The following MEIKIN variants were observed in gnomAD, a reference collection of about 807,000 sequenced individuals.
MEIKIN encodes the protein meiosis-specific kinetochore protein.
chr5:131,906,471 G>A (rs1751243910), intron 8 of MEIKIN, among the ~76,000 whole-genome samples: 1 of 152,060 alleles, frequency 6.6e-6, no homozygotes, highest in Admixed American at 6.5e-5. Context: ...TCCTCGAACA[G>A]CTAAAAACAG....
intron 11 of MEIKIN, among the ~76,000 whole-genome samples, chr5:131,844,186 T>A (rs534673628): frequency 6.6e-6 from 1 of 152,054 alleles, no homozygotes; most frequent in Non-Finnish European, 1.5e-5. Flanking sequence ...TTCAATCACC[T>A]CCCACTAGAT....
At chr5:131,922,019 A>C (rs1256138303) in intron 5 of MEIKIN, 78 bp from the exon 6 acceptor site, 7 of 396,800 alleles carry the variant, frequency 1.8e-5, no homozygotes, top group Non-Finnish European at 3.1e-5. Context: ...ACCCCACCTT[A>C]GGCCCCCAGC....
At chr5:131,906,708 C>T (rs1367152262) in intron 8 of MEIKIN, among the ~76,000 whole-genome samples, 1 of 152,138 alleles carries the variant, frequency 6.6e-6, no homozygotes, top group Non-Finnish European at 1.5e-5. Context: ...AGAATATGTC[C>T]TCAGCAGTAA....
At chr5:131,853,798 C>G (rs1203675318) in intron 10 of MEIKIN, among the ~76,000 whole-genome samples, 1 of 152,098 alleles carries the variant, frequency 6.6e-6, no homozygotes, top group African/African-American at 2.4e-5. Flanking sequence ...TAATGAGATA[C>G]CACCTCACAT....
chr5:131,943,403 G>A (rs1751906900), intron 3 of MEIKIN, among the ~76,000 whole-genome samples: 1 of 152,102 alleles, frequency 6.6e-6, no homozygotes. Flanking sequence ...TTATCTTAGG[G>A]TAACAATGTG....
chr5:131,831,602 C>A (rs1177138245), intron 11 of MEIKIN, among the ~76,000 whole-genome samples: 1 of 152,112 alleles, frequency 6.6e-6, no homozygotes, highest in Non-Finnish European at 1.5e-5. Context: ...AATCCTCCTA[C>A]ACTTTTTATT....
chr5:131,915,260 G>A (rs1205357517), intron 7 of MEIKIN, among the ~76,000 whole-genome samples: 1 of 152,114 alleles, frequency 6.6e-6, no homozygotes, highest in African/African-American at 2.4e-5. Flanking sequence ...CCAAGGTGAG[G>A]TAAAATCAGC....
At chr5:131,920,707 T>C (rs973819538) in intron 6 of MEIKIN, among the ~76,000 whole-genome samples, 12 of 152,026 alleles carry the variant, frequency 7.9e-5, no homozygotes, top group Non-Finnish European at 1.8e-4. Context: ...ATTTTTTTTT[T>C]TTTTTGAGAA....
intron 8 of MEIKIN, among the ~76,000 whole-genome samples, chr5:131,909,654 C>A (rs144452429): frequency 6.6e-6 from 1 of 152,188 alleles, no homozygotes; most frequent in African/African-American, 2.4e-5. Context: ...GAAATATTTG[C>A]AAACTACTCC....
intron 7 of MEIKIN, among the ~76,000 whole-genome samples, chr5:131,913,643 G>C (rs1177738599): frequency 6.6e-6 from 1 of 152,182 alleles, no homozygotes. Flanking sequence ...TGAGTAATAA[G>C]CTAATGCTGG....
intron 12 of MEIKIN, among the ~76,000 whole-genome samples, chr5:131,816,185 T>C (rs1310925179): frequency 6.6e-6 from 1 of 152,172 alleles, no homozygotes. Context: ...TATCTGGAGA[T>C]TAAATTATGG....
At chr5:131,929,235 A>G (rs544253201) in intron 5 of MEIKIN, among the ~76,000 whole-genome samples, 1 of 152,334 alleles carries the variant, frequency 6.6e-6, no homozygotes, top group Admixed American at 6.5e-5. Context: ...CTGTCTTTGT[A>G]TATGACTTTT....
chr5:131,856,474 C>A (rs1277190285), intron 9 of MEIKIN, among the ~76,000 whole-genome samples: 1 of 152,176 alleles, frequency 6.6e-6, no homozygotes. Flanking sequence ...AGCCCCCAGC[C>A]AATGTCTGGG....
intron 8 of MEIKIN, among the ~76,000 whole-genome samples, chr5:131,881,867 TTATATA>T (rs1750707271): frequency 6.6e-6 from 1 of 152,166 alleles, no homozygotes; most frequent in African/African-American, 2.4e-5. Context: ...TTCTTGAACT[TTATATA>T]TATGAAATTA....
chr5:131,823,115 T>C (rs1749548519), intron 11 of MEIKIN, among the ~76,000 whole-genome samples: 1 of 152,066 alleles, frequency 6.6e-6, no homozygotes, highest in East Asian at 1.9e-4. Flanking sequence ...GCTTTTAGGA[T>C]CTTTTCTCTA....
chr5:131,944,118 A>G (rs1751920747), intron 3 of MEIKIN, among the ~76,000 whole-genome samples: 1 of 152,032 alleles, frequency 6.6e-6, no homozygotes, highest in Admixed American at 6.6e-5. Flanking sequence ...CTCCAAAAAA[A>G]AAAAAAAAAG....
At chr5:131,833,110 C>A (rs922845945) in intron 11 of MEIKIN, among the ~76,000 whole-genome samples, 1 of 152,214 alleles carries the variant, frequency 6.6e-6, no homozygotes, top group Non-Finnish European at 1.5e-5. Flanking sequence ...AATTTTCAAA[C>A]TTTTATGCCG....
intron 5 of MEIKIN, among the ~76,000 whole-genome samples, chr5:131,933,075 A>G (rs543298031): frequency 5.9e-5 from 9 of 152,230 alleles, no homozygotes; most frequent in Non-Finnish European, 1.3e-4. Context: ...ATCTGCCATC[A>G]TTAACCAAAG....
At chr5:131,867,193 T>A (rs946748065) in intron 9 of MEIKIN, among the ~76,000 whole-genome samples, 1 of 152,144 alleles carries the variant, frequency 6.6e-6, no homozygotes, top group Admixed American at 6.5e-5. Context: ...ACTGACTTTT[T>A]AAAAAAAATT....
Sources: allele counts gnomAD v4.1 joint callset (sites outside exome capture counted in the v4.1 genomes callset), GRCh38; gene constraint gnomAD v4.1.1; transcripts MANE v1.5; gene names NCBI Gene and HGNC (gene_info 2026-07-23, HGNC 2026-07-21).